The following CCDC7 variants were observed in gnomAD, a reference collection of about 807,000 sequenced individuals.
CCDC7 encodes the protein coiled-coil domain containing 7.
CCDC7 carries 183 observed loss-of-function variants against 196.9 expected under a neutral mutation model. The ratio of observed to expected loss-of-function variants is 0.93; its 90% confidence interval spans 0.82 to 1.05. The LOEUF is 1.05. Ranked by LOEUF, CCDC7 falls within the 50% of genes least tolerant of loss-of-function variation. The pLI is 0.00. For synonymous variants in CCDC7, 525 were observed against 484.6 expected, an observed-to-expected ratio of 1.08 and a Z score of -1.10; for missense variants, 1,540 against 1,482.2, an observed-to-expected ratio of 1.04 and a Z score of -0.64.
intron 9 of CCDC7, 102 bp downstream of exon 10, chr10:32,492,099 G>C: frequency 8.5e-7 from 1 of 1,182,606 alleles, no homozygotes; most frequent in Non-Finnish European, 1.1e-6. Flanking sequence ...AAAAAAGTTA[G>C]TACGTGTTTA....
At position 32,677,874 on chromosome 10, in the gene CCDC7, T is replaced by C. The variant is rs535165403; in HGVS notation, c.2123-8096T>C. On this transcript the variant is annotated intron_variant, in intron 21 of 41. Coordinates refer to ENST00000639629, the Ensembl canonical transcript of CCDC7. ...ACATGATGGTATCCCATACATCTTA[T>C]AGGATTTCTTCACTCTTTTTCATTA... Among the ~76,000 whole-genome samples the C allele has an allele frequency of 1.5e-3, 228 of 152,292 alleles. 2 individuals carry two copies. Among genetic ancestry groups the C allele is most frequent in the African/African-American group, 5.2e-3 (216 of 41,566 alleles).
chr10:32,527,136 C>T (rs1256136256), intron 11 of CCDC7, among the ~76,000 whole-genome samples: 1 of 152,116 alleles, frequency 6.6e-6, no homozygotes, highest in Non-Finnish European at 1.5e-5. Flanking sequence ...AATGCTCCCT[C>T]CATGTGTGGG....
intron 36 of CCDC7, among the ~76,000 whole-genome samples, 190 bp from the exon 38 acceptor site, chr10:32,846,186 C>T (rs2093284873): frequency 6.7e-6 from 1 of 150,188 alleles, no homozygotes. Flanking sequence ...ATTTATGTTC[C>T]CTGAGTTAAG....
intron 21 of CCDC7, among the ~76,000 whole-genome samples, chr10:32,668,924 A>G (rs1450434325): frequency 1.3e-5 from 2 of 152,058 alleles, no homozygotes. Context: ...TGGGGCTGCC[A>G]GTGTTCTGTA....
At chr10:32,511,373 C>G (rs1402334109) in intron 9 of CCDC7, 13 of 1,608,182 alleles carry the variant, frequency 8.1e-6, no homozygotes, top group Non-Finnish European at 1.0e-5. Flanking sequence ...TTTTGGTTCC[C>G]AGAGGGCATT....
intron 29 of CCDC7, 22 bp downstream of exon 30, chr10:32,779,106 G>A (rs1397174455): frequency 6.9e-7 from 1 of 1,449,884 alleles, no homozygotes; most frequent in South Asian, 1.2e-5. Flanking sequence ...TTTATGTTTG[G>A]ATACAGTAGA....
intron 13 of CCDC7, among the ~76,000 whole-genome samples, chr10:32,551,763 G>A (rs1203158659): frequency 5.9e-5 from 9 of 152,116 alleles, no homozygotes; most frequent in African/African-American, 1.9e-4. Flanking sequence ...CTGAGAGAGT[G>A]CTTGATATAC....
intron 20 of CCDC7, among the ~76,000 whole-genome samples, chr10:32,657,468 A>C (rs1405167184): frequency 6.6e-6 from 1 of 152,362 alleles, no homozygotes; most frequent in Non-Finnish European, 1.5e-5. Context: ...ACCATGTGGA[A>C]GCTGCCAAGG....
At chr10:32,669,036 T>G (rs986427671) in intron 21 of CCDC7, among the ~76,000 whole-genome samples, 2 of 152,152 alleles carry the variant, frequency 1.3e-5, no homozygotes, top group Non-Finnish European at 2.9e-5. Flanking sequence ...GTGGCTTGTT[T>G]GTTGTATATG....
At chr10:32,649,191 T>C (rs1018783600) in intron 20 of CCDC7, among the ~76,000 whole-genome samples, 1 of 152,168 alleles carries the variant, frequency 6.6e-6, no homozygotes, top group Non-Finnish European at 1.5e-5. Flanking sequence ...TCAGGAAGAA[T>C]AGCCACTGGA....
At chr10:32,753,562 A>C (rs1360926642) in intron 28 of CCDC7, among the ~76,000 whole-genome samples, 1 of 152,172 alleles carries the variant, frequency 6.6e-6, no homozygotes, top group African/African-American at 2.4e-5. Context: ...CGGATAATCT[A>C]GCTCTTTATT....
At chr10:32,537,875 A>G (rs2050777031) in intron 11 of CCDC7, among the ~76,000 whole-genome samples, 1 of 152,116 alleles carries the variant, frequency 6.6e-6, no homozygotes, top group African/African-American at 2.4e-5. Context: ...CACCTGTACC[A>G]TGCTGTTTTG....
intron 24 of CCDC7, among the ~76,000 whole-genome samples, chr10:32,710,206 C>T (rs2080591405): frequency 6.6e-6 from 1 of 152,154 alleles, no homozygotes; most frequent in African/African-American, 2.4e-5. Flanking sequence ...ATCATGCAGG[C>T]AAATAATCCA....
At chr10:32,590,954 T>C (rs2059727168) in intron 18 of CCDC7, among the ~76,000 whole-genome samples, 1 of 152,190 alleles carries the variant, frequency 6.6e-6, no homozygotes, top group African/African-American at 2.4e-5. Context: ...TTAAATGCCT[T>C]GAGGTAGTTT....
chr10:32,802,376 C>T (rs893766757), intron 29 of CCDC7, among the ~76,000 whole-genome samples: 1 of 152,198 alleles, frequency 6.6e-6, no homozygotes, highest in Admixed American at 6.5e-5. Context: ...ACAGTTCACA[C>T]CAAGAACTAT....
intron 13 of CCDC7, among the ~76,000 whole-genome samples, chr10:32,555,686 C>T (rs1397319626): frequency 6.6e-6 from 1 of 152,142 alleles, no homozygotes; most frequent in Non-Finnish European, 1.5e-5. Context: ...GTACAATATT[C>T]AATTTTTGTA....
intron 24 of CCDC7, among the ~76,000 whole-genome samples, chr10:32,708,864 C>T (rs2080289615): frequency 6.6e-6 from 1 of 152,194 alleles, no homozygotes; most frequent in Non-Finnish European, 1.5e-5. Flanking sequence ...CACTTTTACA[C>T]TGCTGATGGG....
intron 9 of CCDC7, among the ~76,000 whole-genome samples, chr10:32,495,186 A>G (rs1439058600): frequency 2.6e-5 from 4 of 152,068 alleles, no homozygotes; most frequent in South Asian, 2.1e-4. Context: ...GGCTGCATAA[A>G]TGTCTTGAGA....
At chr10:32,858,058 G>GAAAT (rs752013198) in intron 41 of CCDC7, among the ~76,000 whole-genome samples, 20,896 of 151,956 alleles carry the variant, frequency 0.14, 1,732 homozygotes, top group East Asian at 0.25. Context: ...AAAAATATAA[G>GAAAT]CTACCAAGAT....
Sources: gnomAD v4.1 joint callset for allele counts (sites outside exome capture counted in the v4.1 genomes callset) on GRCh38, gnomAD v4.1.1 for gene constraint, MANE v1.5 for transcripts, NCBI Gene and HGNC (gene_info 2026-07-23, HGNC 2026-07-21) for gene names.